NBEA: variants seen among roughly 807,000 people sequenced by gnomAD.
NBEA encodes neurobeachin, also known as lysosomal-trafficking regulator 2.
NBEA carries 44 observed loss-of-function variants against 343.4 expected under a neutral mutation model. The observed-to-expected ratio is 0.13, with a 90% CI of 0.10 to 0.16. NBEA has a LOEUF of 0.16. Ranked by LOEUF, NBEA falls within the 10% of genes least tolerant of loss-of-function variation. NBEA has a pLI of 1.00. For missense variants in NBEA, 2,555 were observed against 3,631.3 expected (o/e 0.70, Z 7.62); for synonymous variants, 1,175 against 1,238.7 (o/e 0.95, Z 1.08).
At chr13:35,308,568 A>ATATATATATG (rs2037132021) in intron 35 of NBEA, among the ~76,000 whole-genome samples, 1 of 87,430 alleles carries the variant, frequency 1.1e-5, no homozygotes, top group East Asian at 2.9e-4. Flanking sequence ...GTATATATGT[A>ATATATATATG]TATATATGTA....
intron 52 of NBEA, among the ~76,000 whole-genome samples, 154 bp from the exon 53 acceptor site, chr13:35,651,651 G>A (rs2084528117): frequency 6.6e-6 from 1 of 152,040 alleles, no homozygotes; most frequent in Non-Finnish European, 1.5e-5. Context: ...ATTTTGTAAG[G>A]CTGTCTACAG....
chr13:35,308,027 T>A (rs1041898861), intron 35 of NBEA, among the ~76,000 whole-genome samples: 1 of 152,030 alleles, frequency 6.6e-6, no homozygotes, highest in African/African-American at 2.4e-5. Context: ...CTCTTTTCAC[T>A]AGTTGTTGAT....
intron 17 of NBEA, among the ~76,000 whole-genome samples, chr13:35,129,760 G>A (rs2067315217): frequency 6.6e-6 from 1 of 152,036 alleles, no homozygotes; most frequent in African/African-American, 2.4e-5. Flanking sequence ...CTCAGATTTT[G>A]GAAGTAAAAT....
At chr13:35,241,251 A>G (rs1214269964) in intron 34 of NBEA, among the ~76,000 whole-genome samples, 1 of 151,926 alleles carries the variant, frequency 6.6e-6, no homozygotes. Context: ...AGTGTGTCAG[A>G]ATAAATCTCC....
intron 1 of NBEA, among the ~76,000 whole-genome samples, chr13:34,999,817 A>T (rs568501680): frequency 6.6e-6 from 1 of 152,006 alleles, no homozygotes; most frequent in Non-Finnish European, 1.5e-5. Context: ...TGATAAGGTT[A>T]TATATCCAGT....
At chr13:35,333,739 C>G (rs1263436725) in intron 36 of NBEA, among the ~76,000 whole-genome samples, 1 of 152,092 alleles carries the variant, frequency 6.6e-6, no homozygotes, top group Non-Finnish European at 1.5e-5. Context: ...CTCTCTGTCT[C>G]TATGAGTTCA....
chr13:35,130,994 A>C (rs778129315), intron 17 of NBEA, among the ~76,000 whole-genome samples: 1 of 152,090 alleles, frequency 6.6e-6, no homozygotes, highest in Non-Finnish European at 1.5e-5. Flanking sequence ...GAGAAAATTC[A>C]TAGTTGTGAA....
chr13:35,289,129 T>C lies in NBEA; in HGVS notation c.5777-1260T>C, dbSNP rs115306271. On this transcript the variant is annotated intron_variant, in intron 34 of 58. Coordinates refer to ENST00000379939, the MANE Select transcript of NBEA (RefSeq NM_001385012.1). ...TACAATAAATATGCATGCTAGTGTCTAGAAGGCATTTGAGACTGTTTATTG... is the reference window on the plus strand; with the variant it reads ...TACAATAAATATGCATGCTAGTGTCCAGAAGGCATTTGAGACTGTTTATTG... Among the ~76,000 whole-genome samples the C allele has an allele frequency of 1.5e-3, 229 of 152,038 alleles. 1 individual carries two copies. The highest frequency in any genetic ancestry group is 5.4e-3 in the African/African-American group (224 of 41,560).
At chr13:35,280,775 AT>A (rs564499943) in intron 34 of NBEA, among the ~76,000 whole-genome samples, 147 of 146,884 alleles carry the variant, frequency 1.0e-3, no homozygotes, top group Middle Eastern at 7.0e-3. Context: ...TTTTTGACAG[AT>A]TTTTTTTTTT....
chr13:35,125,637 A>G (rs1197909), intron 17 of NBEA, among the ~76,000 whole-genome samples: 138,936 of 152,170 alleles, frequency 0.91, 63,583 homozygotes, highest in Admixed American at 0.96. Flanking sequence ...TCCTGCAGAC[A>G]GATGGTCCAC....
intron 38 of NBEA, among the ~76,000 whole-genome samples, chr13:35,415,792 G>A (rs1169984837): frequency 6.6e-6 from 1 of 152,086 alleles, no homozygotes; most frequent in East Asian, 1.9e-4. Context: ...TAGCTTGATG[G>A]GGATGGCATT....
intron 39 of NBEA, among the ~76,000 whole-genome samples, chr13:35,441,637 G>T (rs749942770): frequency 2.0e-5 from 3 of 151,950 alleles, no homozygotes; most frequent in South Asian, 2.1e-4. Flanking sequence ...TTAGGGAATT[G>T]TCAGGTTTAT....
intron 30 of NBEA, among the ~76,000 whole-genome samples, chr13:35,192,054 T>G (rs2072239267): frequency 6.6e-6 from 1 of 152,060 alleles, no homozygotes; most frequent in Non-Finnish European, 1.5e-5. Flanking sequence ...AAGGTTAAGA[T>G]CACTCTGGCT....
chr13:35,068,227 A>G (rs978270318), intron 8 of NBEA, among the ~76,000 whole-genome samples: 3 of 152,170 alleles, frequency 2.0e-5, no homozygotes, highest in African/African-American at 7.2e-5. Context: ...AGCGTATGGT[A>G]TGTATCATGG....
intron 39 of NBEA, among the ~76,000 whole-genome samples, chr13:35,441,520 A>G (rs916556294): frequency 2.0e-5 from 3 of 152,164 alleles, no homozygotes; most frequent in African/African-American, 7.2e-5. Flanking sequence ...AATGAAGGCC[A>G]TGTTGTCATT....
At chr13:35,104,709 A>T (rs2065830585) in intron 11 of NBEA, among the ~76,000 whole-genome samples, 1 of 151,946 alleles carries the variant, frequency 6.6e-6, no homozygotes, top group South Asian at 2.1e-4. Flanking sequence ...AAGATGTCTT[A>T]GGAAGATAGT....
chr13:35,388,420 A>C (rs1205556026), intron 38 of NBEA, among the ~76,000 whole-genome samples: 1 of 152,166 alleles, frequency 6.6e-6, no homozygotes, highest in Non-Finnish European at 1.5e-5. Context: ...TGTGGAAACC[A>C]TACATTCCCC....
chr13:35,225,658 A>T (rs1344868758), intron 33 of NBEA, among the ~76,000 whole-genome samples: 2 of 152,094 alleles, frequency 1.3e-5, no homozygotes, highest in Non-Finnish European at 2.9e-5. Flanking sequence ...TAGTTCACAC[A>T]TGGACTTCAG....
At chr13:35,202,381 C>T (rs1232108176) in intron 31 of NBEA, among the ~76,000 whole-genome samples, 1 of 152,058 alleles carries the variant, frequency 6.6e-6, no homozygotes, top group Non-Finnish European at 1.5e-5. Flanking sequence ...TAGTGTAATC[C>T]CCTGTTAGTG....
Sources: gnomAD v4.1 joint callset for allele counts (sites outside exome capture counted in the v4.1 genomes callset) on GRCh38, gnomAD v4.1.1 for gene constraint, MANE v1.5 for transcripts, NCBI Gene and HGNC (gene_info 2026-07-23, HGNC 2026-07-21) for gene names.